The following AGBL5 variants were observed in gnomAD, a reference collection of about 807,000 sequenced individuals.
AGBL5 encodes cytosolic carboxypeptidase-like protein 5.
A neutral mutation model predicts 88.0 loss-of-function variants in AGBL5; 51 were observed. The ratio of observed to expected loss-of-function variants is 0.58; its 90% confidence interval spans 0.46 to 0.73. The LOEUF (loss-of-function observed/expected upper bound fraction) is 0.73. Among genes scored for constraint, AGBL5 ranks in the 30% least tolerant of loss-of-function variants. The pLI is 0.00. For missense variants in AGBL5, 1,031 were observed against 1,162.2 expected (o/e 0.89, Z 1.64); for synonymous variants, 446 against 438.8 (o/e 1.02, Z -0.21).
Position 27,053,021 on chromosome 2 carries a change from C to T in AGBL5, c.63C>T (p.His21=), listed in dbSNP as rs200032492. 186 of 1,613,512 alleles carry T rather than the reference C, an allele frequency of 1.2e-4. No individual in the cohort carries two copies. The highest frequency in any genetic ancestry group is 1.5e-4 in the Non-Finnish European group (176 of 1,179,802). Residue 21 remains histidine, a synonymous_variant, in exon 2 of 15, where the codon CAC becomes CAT. Transcript: ENST00000360131. This position sits in a 1 kb window ranked among gnomAD's most constrained non-coding sequence, Gnocchi z 4.9. ...GCTTTGATTCAGGGAATCTAGCCCA[C>T]GTGGAGAAGGTGGAATCTTTGTCCA... ...SSRFDSGNLA[H]VEKVESLSSD...
Position 27,058,726 on chromosome 2 carries a change from G to A in AGBL5, c.1874+124G>A. ...AAGTGCCAAATGGCAAATATCTTCA[G>A]GGTAAATTAAAATTAGTCAGATTAG... On this transcript the variant is annotated intron_variant, in intron 10 of 14. Coordinates refer to ENST00000360131, the MANE Select transcript of AGBL5 (RefSeq NM_021831.6). 3.8e-6 allele frequency: 4 copies of A among 1,064,506 alleles called. No homozygotes were observed. The South Asian group carries it at 6.0e-5, about 16-fold the overall frequency. The allele number at this position is 1,064,506 out of a possible 1,614,324, so 65.9% of individuals were successfully genotyped here.
rs754991144 is a variant in AGBL5 at position 27,053,363 on chromosome 2, T to C, written c.216-39T>C. 1.7e-5 allele frequency: 28 copies of C among 1,603,600 alleles called. 1 individual carries two copies. The highest frequency in any genetic ancestry group is 3.3e-4 in the Middle Eastern group (2 of 6,038). ...CTCCCACAGACCATATCTCCAACCC[T>C]TCCACACGTAATGACCTCTCTCTTA... is the stretch of plus-strand genomic sequence containing the variant. On this transcript the variant is annotated intron_variant, in intron 2 of 14. Coordinates refer to ENST00000360131, the MANE Select transcript of AGBL5 (RefSeq NM_021831.6). The surrounding 1 kb of genome is among the most constrained non-coding windows in gnomAD (Gnocchi z 4.9).
intron 11 of AGBL5, 31 bp from the exon 12 acceptor site, chr2:27,067,463 C>T (rs767766945): frequency 6.2e-7 from 1 of 1,603,938 alleles, no homozygotes; most frequent in African/African-American, 1.3e-5. Context: ...ACTTATTTGC[C>T]CTTTTATCTG....
intron 11 of AGBL5, chr2:27,059,619 G>A: frequency 8.8e-7 from 1 of 1,135,302 alleles, no homozygotes; most frequent in Non-Finnish European, 1.2e-6. Context: ...GGAAGTCTGG[G>A]TATCTGGGCT....
chr2:27,054,036 G>C lies in AGBL5; in HGVS notation c.528G>C (p.Pro176=). ...TAAACCAGCTAGACCAGCGCTTTCCGGAGAACCACCCTACCCATAGCAGGT... is the reference window on the plus strand; with the variant it reads ...TAAACCAGCTAGACCAGCGCTTTCCCGAGAACCACCCTACCCATAGCAGGT... ...ELLNQLDQRF[P]ENHPTHSSPL... The change falls in exon 4 of 15, where the codon CCG becomes CCC. Residue 176 remains proline, a synonymous_variant. Transcript: ENST00000360131. 1 of 1,613,552 alleles carries C rather than the reference G, an allele frequency of 6.2e-7. No homozygotes were observed. Among genetic ancestry groups the C allele is most frequent in the Non-Finnish European group, 8.5e-7 (1 of 1,179,700 alleles).
Position 27,055,187 on chromosome 2 carries a change from G to GTC in AGBL5, c.843_844dup (p.Arg282LeufsTer8). 1 of 1,614,156 alleles carries GTC rather than the reference G, an allele frequency of 6.2e-7. No individual in the cohort carries two copies. Among genetic ancestry groups the GTC allele is most frequent in the Non-Finnish European group, 8.5e-7 (1 of 1,180,028 alleles). ...GATGATCCCCGGGCCCAAACCCTCC[G>GTC]TCGCCTCTTCGTCTTTAAGCTGATT... On this transcript the variant is annotated frameshift_variant, in exon 6 of 15. Transcript: ENST00000360131. LOFTEE classifies it high-confidence loss of function.
intron 12 of AGBL5, 88 bp from the exon 13 acceptor site, chr2:27,068,544 C>T (rs552792612): frequency 1.7e-5 from 20 of 1,148,670 alleles, no homozygotes; most frequent in East Asian, 7.3e-5. Context: ...AAATTGTCAA[C>T]GTGCCAAGGT....
chr2:27,058,589 C>A lies in AGBL5; in HGVS notation c.1861C>A (p.Pro621Thr), dbSNP rs1408061494. 1 of 1,613,926 alleles carries A rather than the reference C, an allele frequency of 6.2e-7. No individual in the cohort carries two copies. The highest frequency in any genetic ancestry group is 8.5e-7 in the Non-Finnish European group (1 of 1,180,036). The change falls in exon 10 of 15, where the codon CCC becomes ACC. Residue 621 changes from proline to threonine, a missense_variant. Pro to Thr is a conservative substitution (Grantham distance 38). Around this residue, in one of 2 missense-constraint regions of AGBL5, gnomAD observed 491 missense variants for 484.0 expected, o/e 1.01. Transcript: ENST00000360131. ...VNKKRGLRTP[P>T]KSHNGLPVSC... ...CAAGAAGAGGGGCCTTCGAACTCCA[C>A]CCAAAAGTCACAAGTAAGGCCAGCA...
At chr2:27,057,530 G>T in intron 9 of AGBL5, 92 bp downstream of exon 9, 1 of 1,417,148 alleles carries the variant, frequency 7.1e-7, no homozygotes. Flanking sequence ...GTCCTTTGAA[G>T]AGATATTCAT....
intron 12 of AGBL5, 110 bp downstream of exon 12, chr2:27,067,756 C>T (rs761833029): frequency 1.6e-6 from 2 of 1,249,656 alleles, no homozygotes; most frequent in Non-Finnish European, 2.4e-6. Context: ...CTCTTGGTAT[C>T]CTAAACCTCT....
In AGBL5 at chr2:27,053,208, C is replaced by G. The variant is rs373090932; in HGVS notation, c.215+35C>G. 22 of 1,551,806 alleles carry G rather than the reference C, an allele frequency of 1.4e-5. No individual in the cohort carries two copies. In the African/African-American group the frequency reaches 2.9e-4, roughly 20 times the overall value. ...ACGAAATGGAGGGTGGAAAAAGGCT[C>G]CAAACCCATGCTTCAGTTAGCCCTC... is the stretch of plus-strand genomic sequence containing the variant. On this transcript the variant is annotated intron_variant, in intron 2 of 14. Transcript: ENST00000360131. This position sits in a 1 kb window ranked among gnomAD's most constrained non-coding sequence, Gnocchi z 4.9.
At chr2:27,067,954 C>T (rs1023485768) in intron 12 of AGBL5, 5 of 428,608 alleles carry the variant, frequency 1.2e-5, no homozygotes, top group Admixed American at 7.0e-5. Flanking sequence ...AATTCCCTGA[C>T]TCCAGGAGCT....
At chr2:27,064,429 G>A (rs1668875373) in intron 11 of AGBL5, among the ~76,000 whole-genome samples, 1 of 151,512 alleles carries the variant, frequency 6.6e-6, no homozygotes, top group Non-Finnish European at 1.5e-5. Flanking sequence ...CCTAGTAGCT[G>A]GGCCTACAGG....
intron 11 of AGBL5, among the ~76,000 whole-genome samples, chr2:27,063,297 T>A (rs1010063250): frequency 2.6e-5 from 4 of 152,160 alleles, no homozygotes; most frequent in African/African-American, 4.8e-5. Flanking sequence ...GGGAACCAAA[T>A]GAATGCTTGT....
rs1485163922 is a variant in AGBL5, at chr2:27,067,483, C to G, written c.2090-11C>G. ...TTTGCCCTTTTATCTGCTTGTATCT[C>G]TTCCACTCAGAGCCCCGAAGCCAGG... On this transcript the variant is annotated splice_polypyrimidine_tract_variant and intron_variant, in intron 11 of 14. Transcript: ENST00000360131. 1.5e-5 allele frequency: 25 copies of G among 1,613,346 alleles called. No individual in the cohort carries two copies. The highest frequency in any genetic ancestry group is 2.0e-5 in the Non-Finnish European group (24 of 1,179,454).
chr2:27,054,418 T>A lies in AGBL5; in HGVS notation c.552-212T>A, dbSNP rs1243392277. ...TAATCTATTCTAGGAAGCCACAAACTGGGGAACAACAAGTTCACCCTGTCC... is the reference window on the plus strand; with the variant it reads ...TAATCTATTCTAGGAAGCCACAAACAGGGGAACAACAAGTTCACCCTGTCC... On this transcript the variant is annotated intron_variant, in intron 4 of 14. Coordinates refer to ENST00000360131, the MANE Select transcript of AGBL5 (RefSeq NM_021831.6). 4 of 589,274 alleles carry A rather than the reference T, an allele frequency of 6.8e-6. No individual in the cohort carries two copies. In the East Asian group the frequency reaches 8.6e-5, roughly 13 times the overall value. The allele number at this position is 589,274 out of a possible 1,614,324, so 36.5% of individuals were successfully genotyped here.
At chr2:27,068,411 T>C (rs1478000983) in intron 12 of AGBL5, among the ~76,000 whole-genome samples, 1 of 152,144 alleles carries the variant, frequency 6.6e-6, no homozygotes, top group African/African-American at 2.4e-5. Flanking sequence ...GGAGACATTT[T>C]TGGTTGTTAC....
chr2:27,054,697 C>T lies in AGBL5; in HGVS notation c.619C>T (p.Leu207=). The T allele has an allele frequency of 6.2e-7, 1 of 1,613,872 alleles. No individual in the cohort carries two copies. Among genetic ancestry groups the T allele is most frequent in the Non-Finnish European group, 8.5e-7 (1 of 1,179,960 alleles). ...TTCTCTGGATGGACTTCGTGTAGAT[C>T]TGCTGACGATCACTTCCTGCCATGG... is the stretch of plus-strand genomic sequence containing the variant. ...CYSLDGLRVD[L]LTITSCHGLR... The change falls in exon 5 of 15, where the codon CTG becomes TTG. Residue 207 remains leucine (L), a synonymous_variant. Transcript: ENST00000360131.
In AGBL5 at chr2:27,053,426, G is replaced by A. The variant is rs376035710; in HGVS notation, c.240G>A (p.Arg80=). The A allele has an allele frequency of 6.1e-5, 98 of 1,613,964 alleles. No homozygotes were observed. The highest frequency in any genetic ancestry group is 7.5e-5 in the Non-Finnish European group (89 of 1,180,042). Residue 80 remains arginine (R), a synonymous_variant, in exon 3 of 15, where the codon CGG becomes CGA. Transcript: ENST00000360131. The surrounding 1 kb of genome is among the most constrained non-coding windows in gnomAD (Gnocchi z 4.9). ...GGTCATGGTTCTACTTCAGCGTCCG[G>A]GGAGGAATGCCAGGAAAACTCATCA... ...GNRSWFYFSV[R]GGMPGKLIKI...
Sources: allele counts gnomAD v4.1 joint callset (sites outside exome capture counted in the v4.1 genomes callset), GRCh38; gene constraint gnomAD v4.1.1; regional missense constraint gnomAD v4.1.1; non-coding constraint Gnocchi (gnomAD v3.1); transcripts MANE v1.5; gene names NCBI Gene and HGNC (gene_info 2026-07-23, HGNC 2026-07-21).